The following SNX29 variants were observed in gnomAD, a reference collection of about 807,000 sequenced individuals.
SNX29 encodes sorting nexin-29.
SNX29 carries 78 observed loss-of-function variants against 102.1 expected under a neutral mutation model. The ratio of observed to expected loss-of-function variants is 0.76; its 90% CI spans 0.64 to 0.92. The LOEUF is 0.92. Ranked by LOEUF, SNX29 falls within the 40% of genes least tolerant of loss-of-function variation. The pLI, the probability that SNX29 is intolerant of heterozygous loss-of-function variation, is 0.00. For synonymous variants in SNX29, 580 were observed against 414.5 expected (o/e 1.40, Z -4.85); for missense variants, 1,280 against 1,061.7 (o/e 1.21, Z -2.86).
chr16:12,057,069 C>T (rs934596099), intron 8 of SNX29, among the ~76,000 whole-genome samples: 1 of 152,172 alleles, frequency 6.6e-6, no homozygotes, highest in African/African-American at 2.4e-5. Context: ...CTATGTTGGC[C>T]TCCCTGAGTG....
rs1339996702 is a variant in SNX29, at chr16:12,569,457, T to G, written c.*828T>G. On this transcript the variant is annotated 3_prime_UTR_variant, in exon 21 of 21. Transcript: ENST00000566228. ...CAAAGTAGCATTGGCCCTACAGTCA[T>G]GAGAGACTTGGGTCAGGGAACCACT... The G allele has an allele frequency of 4.3e-6, 1 of 231,228 alleles. No individual in the cohort carries two copies. The highest frequency in any genetic ancestry group is 6.1e-5 in the East Asian group (1 of 16,298). 14.3% of individuals were successfully genotyped at this position (231,228 alleles called of 1,614,324 possible).
intron 13 of SNX29, among the ~76,000 whole-genome samples, chr16:12,180,155 C>T (rs943363945): frequency 4.6e-5 from 7 of 152,058 alleles, no homozygotes; most frequent in Non-Finnish European, 7.4e-5. Flanking sequence ...AAATCTATCC[C>T]TTTCTTCATA....
intron 16 of SNX29, among the ~76,000 whole-genome samples, chr16:12,390,651 T>G (rs577425480): frequency 6.6e-6 from 1 of 152,280 alleles, no homozygotes; most frequent in East Asian, 1.9e-4. Context: ...AAAACCACCA[T>G]GCCCTCAGCG....
intron 13 of SNX29, among the ~76,000 whole-genome samples, chr16:12,173,574 G>A: frequency 6.6e-6 from 1 of 152,114 alleles, no homozygotes; most frequent in East Asian, 1.9e-4. Context: ...CTCTCATTCT[G>A]TCATGTAGCT....
chr16:12,540,212 G>A (rs1233058414), intron 20 of SNX29, among the ~76,000 whole-genome samples: 1 of 152,114 alleles, frequency 6.6e-6, no homozygotes, highest in African/African-American at 2.4e-5. Flanking sequence ...TTGGGTCAAG[G>A]TTAACCTACT....
At chr16:12,437,971 G>A (rs1567562537) in intron 18 of SNX29, among the ~76,000 whole-genome samples, 1 of 152,160 alleles carries the variant, frequency 6.6e-6, no homozygotes, top group Non-Finnish European at 1.5e-5. Context: ...GCCTGGTGTG[G>A]GCTCCTCACC....
chr16:12,259,947 G>A (rs1476000948), intron 14 of SNX29, among the ~76,000 whole-genome samples: 8 of 152,060 alleles, frequency 5.3e-5, no homozygotes, highest in Non-Finnish European at 1.2e-4. Context: ...CTCTGCCTCT[G>A]CCCCATGAAT....
chr16:12,526,633 G>A (rs963511751), intron 20 of SNX29: 1 of 528,874 alleles, frequency 1.9e-6, no homozygotes, highest in Non-Finnish European at 3.7e-6. Context: ...CATGGCCCAG[G>A]GTGCACGGGG....
At chr16:12,279,987 A>G (rs181790508) in intron 15 of SNX29, among the ~76,000 whole-genome samples, 21 of 152,310 alleles carry the variant, frequency 1.4e-4, no homozygotes, top group Non-Finnish European at 8.8e-5. Context: ...GGGTCCAGGC[A>G]GCGCTCTCCG....
In SNX29 at chr16:12,111,299, C is replaced by A. The variant is rs556442419; in HGVS notation, c.1403-15334C>A. 2.0e-5 allele frequency among the ~76,000 whole-genome samples: 3 copies of A among 152,296 alleles called. No individual in the cohort carries two copies. In the South Asian group the frequency reaches 6.2e-4, roughly 32 times the overall value. On this transcript the variant is annotated intron_variant, in intron 11 of 20. Transcript: ENST00000566228. The stretch of plus-strand genomic sequence containing the variant: ...CCCAGCACCCTGCTGTGGCCTCGTT[C>A]TGCACTTTAGCACAAAATCCATGTT...
rs916510933 is a variant in SNX29 at position 12,563,084 on chromosome 16, G to A, written c.2319-5422G>A. Among the ~76,000 whole-genome samples, 11 of 149,722 alleles carry A rather than the reference G, an allele frequency of 7.3e-5. No homozygotes were observed. The East Asian group carries it at 1.7e-3, about 24-fold the overall frequency. Reference sequence around the variant, plus strand: ...AGGTACTGGAAGAGAAATCCAGAATGTTACATAGAAGACGCACGCTAACAA... The same window carrying A: ...AGGTACTGGAAGAGAAATCCAGAATATTACATAGAAGACGCACGCTAACAA... On this transcript the variant is annotated intron_variant, in intron 20 of 20. Coordinates refer to ENST00000566228, the MANE Select transcript of SNX29 (RefSeq NM_032167.5).
chr16:12,225,279 A>G (rs890328297), intron 14 of SNX29, among the ~76,000 whole-genome samples: 1 of 152,114 alleles, frequency 6.6e-6, no homozygotes, highest in Non-Finnish European at 1.5e-5. Context: ...TGTAGTAGGC[A>G]TCTGGTAACG....
intron 14 of SNX29, among the ~76,000 whole-genome samples, chr16:12,216,787 T>C (rs2077337166): frequency 7.1e-6 from 1 of 140,042 alleles, no homozygotes; most frequent in Non-Finnish European, 1.5e-5. Flanking sequence ...GCTTTCTCCA[T>C]TTCTGTTGCT....
chr16:12,476,520 G>A (rs1166323201), intron 18 of SNX29, among the ~76,000 whole-genome samples: 7 of 142,122 alleles, frequency 4.9e-5, no homozygotes, highest in East Asian at 4.1e-4. Flanking sequence ...GGTATTTCTC[G>A]TTTGTTGAAG....
Position 12,199,604 on chromosome 16 carries a change from G to C in SNX29, c.1599G>C (p.Glu533Asp), listed in dbSNP as rs748695618. 5.0e-6 allele frequency: 8 copies of C among 1,612,140 alleles called. No individual in the cohort carries two copies. In the South Asian group the frequency reaches 8.8e-5, roughly 18 times the overall value. The stretch of plus-strand genomic sequence containing the variant: ...TTTAACATTCTTGTACCTGCAGAGA[G>C]AACGAGGTGCTCAAAGTCCAACTGA... ...QGMKVQALAR[E>D]NEVLKVQLKK... The change falls in exon 14 of 21, where the codon GAG becomes GAC. Residue 533 changes from glutamate to aspartate, a missense_variant. Physicochemically the swap from Glu to Asp is conservative, Grantham distance 45 (BLOSUM62 2). Transcript: ENST00000566228.
chr16:12,572,627 C>T lies in SNX29; in HGVS notation c.*3998C>T, dbSNP rs912120217. On this transcript the variant is annotated 3_prime_UTR_variant, in exon 21 of 21. Transcript: ENST00000566228. ...CTCCCCTCCGGCTACCCCCAGAATC[C>T]ATCCTTCATTCCTCCACCAAGCTCC... is the stretch of plus-strand genomic sequence containing the variant. 9.4e-6 allele frequency: 10 copies of T among 1,063,834 alleles called. No individual in the cohort carries two copies. Among genetic ancestry groups the T allele is most frequent in the African/African-American group, 1.6e-5 (1 of 60,960 alleles). The allele number at this position is 1,063,834 out of a possible 1,614,324, so 65.9% of individuals were successfully genotyped here.
intron 20 of SNX29, among the ~76,000 whole-genome samples, chr16:12,567,547 G>A (rs543376017): frequency 1.3e-5 from 2 of 152,218 alleles, no homozygotes; most frequent in South Asian, 2.1e-4. Context: ...CACTTTAGGA[G>A]GCTGAGCAAG....
intron 15 of SNX29, among the ~76,000 whole-genome samples, chr16:12,313,510 A>G (rs1304417716): frequency 6.6e-6 from 1 of 152,192 alleles, no homozygotes. Context: ...CCAGATGAGA[A>G]GTGCCCTTCC....
At chr16:12,222,340 A>T (rs1296734604) in intron 14 of SNX29, among the ~76,000 whole-genome samples, 6 of 152,214 alleles carry the variant, frequency 3.9e-5, no homozygotes, top group African/African-American at 1.4e-4. Context: ...CTTGAAATTG[A>T]TGTCAGCCCA....
Sources: gnomAD v4.1 joint callset for allele counts (sites outside exome capture counted in the v4.1 genomes callset) on GRCh38, gnomAD v4.1.1 for gene constraint, MANE v1.5 for transcripts, NCBI Gene and HGNC (gene_info 2026-07-23, HGNC 2026-07-21) for gene names.